COMMD1: variants seen among roughly 807,000 people sequenced by gnomAD.
COMMD1 encodes the protein copper metabolism domain containing 1.
Under a neutral mutation model 17.2 loss-of-function variants are expected in COMMD1, and 10 were observed. The ratio of observed to expected loss-of-function variants is 0.58; its 90% CI spans 0.36 to 0.99. The LOEUF is 0.99. Among genes scored for constraint, COMMD1 ranks in the 50% least tolerant of loss-of-function variants. The pLI is 0.01. For missense variants in COMMD1, 270 were observed against 231.8 expected (o/e 1.17, Z -1.07); for synonymous variants, 97 against 91.6 (o/e 1.06, Z -0.34).
rs1671961553 is a variant in COMMD1 at position 62,095,014 on chromosome 2, T to A, written c.463-40817T>A. Among the ~76,000 whole-genome samples, 3 of 152,224 alleles carry A rather than the reference T, an allele frequency of 2.0e-5. No homozygotes were observed. The South Asian group carries it at 6.2e-4, about 32-fold the overall frequency. On this transcript the variant is annotated intron_variant, in intron 2 of 2. Transcript: ENST00000311832. Reference sequence around the variant, plus strand: ...CACTCCATAGTCAAGCTGACCAACTTCTTTTGCTCACTTGTATCATTCTAG... The same window carrying A: ...CACTCCATAGTCAAGCTGACCAACTACTTTTGCTCACTTGTATCATTCTAG...
intron 1 of COMMD1, among the ~76,000 whole-genome samples, chr2:61,954,194 G>GTGAGACTCTGTCTCAAAAAAAAGAGA (rs1215493400): frequency 6.6e-6 from 1 of 152,084 alleles, no homozygotes; most frequent in Non-Finnish European, 1.5e-5. Context: ...GGGCGACAGA[G>GTGAGACTCTGTCTCAAAAAAAAGAGA]TGAGACTCTG....
At chr2:62,001,079 G>A in intron 2 of COMMD1, 97 bp downstream of exon 2, 1 of 1,150,256 alleles carries the variant, frequency 8.7e-7, no homozygotes. Flanking sequence ...AACAGCAACA[G>A]GAAAAGACAC....
intron 2 of COMMD1, among the ~76,000 whole-genome samples, chr2:62,037,338 A>G (rs889011921): frequency 5.3e-5 from 8 of 152,222 alleles, no homozygotes; most frequent in African/African-American, 9.6e-5. Flanking sequence ...AATATTGCCA[A>G]ATAAATGGGA....
chr2:61,907,467 T>C (rs536784556), intron 1 of COMMD1, among the ~76,000 whole-genome samples: 1 of 152,170 alleles, frequency 6.6e-6, no homozygotes, highest in South Asian at 2.1e-4. Context: ...TCCTAGAAAA[T>C]TTGACATCTG....
chr2:62,035,743 T>TAAA (rs763075178), intron 2 of COMMD1, among the ~76,000 whole-genome samples: 15 of 95,014 alleles, frequency 1.6e-4, no homozygotes, highest in African/African-American at 4.5e-4. Context: ...CTGTCTCAAT[T>TAAA]AAAAAAAAAA....
rs201814808 is a variant in COMMD1, at chr2:61,896,814, CT to C, written n.119+7976del. On this transcript the variant is annotated intron_variant and non_coding_transcript_variant, in intron 1 of 2. Transcript: ENST00000472729. The stretch of plus-strand genomic sequence containing the variant: ...TCACATATGAAAGGTGTTCTTTTTC[CT>C]TTTCTTTTTTTTTTTTTTTTGTTTT... 5.5e-3 allele frequency among the ~76,000 whole-genome samples: 798 copies of C among 146,240 alleles called. 4 individuals carry two copies. Among genetic ancestry groups the C allele is most frequent in the African/African-American group, 0.018 (691 of 38,796 alleles).
At chr2:62,025,379 G>A (rs1037396107) in intron 2 of COMMD1, among the ~76,000 whole-genome samples, 4 of 151,304 alleles carry the variant, frequency 2.6e-5, no homozygotes, top group Admixed American at 2.0e-4. Flanking sequence ...ATTCTTAAAA[G>A]GTTAGCTGAA....
intron 2 of COMMD1, among the ~76,000 whole-genome samples, chr2:62,084,143 A>T (rs1360057266): frequency 6.6e-6 from 1 of 152,170 alleles, no homozygotes; most frequent in Admixed American, 6.5e-5. Flanking sequence ...GGCTTACACA[A>T]TGACTTCTCA....
intron 2 of COMMD1, among the ~76,000 whole-genome samples, chr2:62,046,900 C>T (rs975635762): frequency 2.0e-5 from 3 of 152,198 alleles, no homozygotes; most frequent in Admixed American, 6.5e-5. Context: ...TGTTTGGTTT[C>T]TCTCCGGTAT....
chr2:61,982,691 G>A (rs1003215679), intron 1 of COMMD1, among the ~76,000 whole-genome samples: 1 of 152,042 alleles, frequency 6.6e-6, no homozygotes, highest in Non-Finnish European at 1.5e-5. Flanking sequence ...TTTTCAGTTA[G>A]CACTAGCCAT....
chr2:62,056,668 T>C (rs1670710868), intron 2 of COMMD1, among the ~76,000 whole-genome samples: 2 of 152,228 alleles, frequency 1.3e-5, no homozygotes, highest in African/African-American at 4.8e-5. Context: ...GCCAAGGCCT[T>C]CTTTCTCCCA....
chr2:61,900,987 C>T (rs1417357924), upstream of COMMD1, among the ~76,000 whole-genome samples: 2 of 152,112 alleles, frequency 1.3e-5, no homozygotes, highest in Admixed American at 6.6e-5. Flanking sequence ...TACTCTGTCA[C>T]CCAGGCTGGA....
At chr2:62,126,927 G>GCAATTCAAA (rs1672902705) in intron 2 of COMMD1, among the ~76,000 whole-genome samples, 1 of 152,182 alleles carries the variant, frequency 6.6e-6, no homozygotes, top group East Asian at 1.9e-4. Context: ...AGGAAGAGAG[G>GCAATTCAAA]AAGTCAAATT....
chr2:61,953,085 C>G (rs1028973514), intron 1 of COMMD1, among the ~76,000 whole-genome samples: 11 of 152,142 alleles, frequency 7.2e-5, no homozygotes, highest in African/African-American at 2.7e-4. Context: ...TCTCAGCTCA[C>G]TGAAACCTCC....
chr2:62,073,440 T>C (rs1030046334), intron 2 of COMMD1, among the ~76,000 whole-genome samples: 3 of 152,236 alleles, frequency 2.0e-5, no homozygotes, highest in Non-Finnish European at 4.4e-5. Context: ...TCTACCAACC[T>C]CGTCTTTAGA....
chr2:61,959,121 C>T (rs1165482197), intron 1 of COMMD1, among the ~76,000 whole-genome samples: 1 of 152,052 alleles, frequency 6.6e-6, no homozygotes, highest in East Asian at 1.9e-4. Flanking sequence ...GTTTACATCT[C>T]CTTTTGTTTT....
At chr2:62,130,186 C>G (rs1209523376) in intron 2 of COMMD1, among the ~76,000 whole-genome samples, 1 of 146,662 alleles carries the variant, frequency 6.8e-6, no homozygotes, top group South Asian at 2.1e-4. Context: ...AAAAAACAAA[C>G]AAGAGTCCCT....
At chr2:62,037,992 A>T (rs989406705) in intron 2 of COMMD1, among the ~76,000 whole-genome samples, 3 of 152,122 alleles carry the variant, frequency 2.0e-5, no homozygotes, top group Admixed American at 2.0e-4. Context: ...AGTGGTCTTA[A>T]AAACTGGTGA....
chr2:61,889,135 TCA>T (rs1669349009), intron 1 of COMMD1, among the ~76,000 whole-genome samples: 1 of 145,130 alleles, frequency 6.9e-6, no homozygotes. Flanking sequence ...ACTCCCGACC[TCA>T]GGTGATCCAC....
Sources: gnomAD v4.1 joint callset for allele counts (sites outside exome capture counted in the v4.1 genomes callset) on GRCh38, gnomAD v4.1.1 for gene constraint, MANE v1.5 for transcripts, NCBI Gene and HGNC (gene_info 2026-07-23, HGNC 2026-07-21) for gene names.